CACNA2D3: variants seen among roughly 807,000 people sequenced by gnomAD.
CACNA2D3 encodes calcium voltage-gated channel auxiliary subunit alpha2delta 3, also known as voltage-dependent calcium channel subunit alpha-2/delta-3.
A neutral mutation model predicts 160.6 loss-of-function variants in CACNA2D3; 60 were observed. The observed-to-expected ratio is 0.37, with a 90% CI of 0.30 to 0.46. CACNA2D3 has a LOEUF of 0.46. Among genes scored for constraint, CACNA2D3 ranks in the 20% least tolerant of loss-of-function variants. The pLI, the probability that CACNA2D3 is intolerant of heterozygous loss-of-function variation, is 1.00. For synonymous variants in CACNA2D3, 558 were observed against 492.9 expected (o/e 1.13, Z -1.75); for missense variants, 1,205 against 1,365.0 (o/e 0.88, Z 1.85).
At chr3:54,578,553 C>T (rs1241789033) in intron 8 of CACNA2D3, among the ~76,000 whole-genome samples, 2 of 152,206 alleles carry the variant, frequency 1.3e-5, no homozygotes, top group African/African-American at 2.4e-5. Context: ...AGTACAGCTG[C>T]CTGGTGTGCA....
At chr3:54,368,693 CTTTTTTTTTTT>C (rs33976949) in intron 3 of CACNA2D3, among the ~76,000 whole-genome samples, 82 of 71,538 alleles carry the variant, frequency 1.1e-3, no homozygotes, top group Middle Eastern at 0.02. Context: ...GGGTAGGGTT[CTTTTTTTTTTT>C]TTTTTTTTTT....
At chr3:54,319,083 T>C (rs538702272) in intron 2 of CACNA2D3, among the ~76,000 whole-genome samples, 1 of 151,980 alleles carries the variant, frequency 6.6e-6, no homozygotes, top group East Asian at 1.9e-4. Context: ...TAATCTCATT[T>C]CAGGATACCC....
intron 34 of CACNA2D3, among the ~76,000 whole-genome samples, chr3:55,014,244 G>C (rs751686543): frequency 6.6e-6 from 1 of 152,134 alleles, no homozygotes; most frequent in East Asian, 1.9e-4. Flanking sequence ...TGAAGGTGGT[G>C]GTGGTTTACT....
chr3:54,189,142 A>G (rs1700935578), intron 2 of CACNA2D3, among the ~76,000 whole-genome samples: 1 of 152,368 alleles, frequency 6.6e-6, no homozygotes, highest in South Asian at 2.1e-4. Context: ...CTTCGTGGTT[A>G]TAAATCCCAA....
intron 2 of CACNA2D3, among the ~76,000 whole-genome samples, chr3:54,264,560 T>G (rs1195044733): frequency 6.6e-6 from 1 of 152,218 alleles, no homozygotes; most frequent in Non-Finnish European, 1.5e-5. Flanking sequence ...TTCTTTTTCT[T>G]TAAGTTTTTT....
At chr3:54,982,172 G>A (rs1026464016) in intron 29 of CACNA2D3, among the ~76,000 whole-genome samples, 8 of 152,158 alleles carry the variant, frequency 5.3e-5, no homozygotes, top group African/African-American at 1.9e-4. Context: ...GTGCAAGACA[G>A]ATTAATCCAA....
chr3:54,474,987 AT>A (rs1700803587), intron 4 of CACNA2D3, among the ~76,000 whole-genome samples: 1 of 152,122 alleles, frequency 6.6e-6, no homozygotes, highest in East Asian at 1.9e-4. Flanking sequence ...TTATTTGTAA[AT>A]TTATTCTACA....
chr3:54,646,141 T>TC, intron 11 of CACNA2D3, among the ~76,000 whole-genome samples: 2 of 24,520 alleles, frequency 8.2e-5, no homozygotes, highest in Non-Finnish European at 1.7e-4. Flanking sequence ...CTTCCTTCCT[T>TC]CCTTCCTTCC....
At chr3:54,377,087 A>C (rs746269362) in intron 3 of CACNA2D3, among the ~76,000 whole-genome samples, 13 of 152,234 alleles carry the variant, frequency 8.5e-5, no homozygotes, top group Non-Finnish European at 1.9e-4. Flanking sequence ...CACACTCACC[A>C]TCCTGTCCAG....
intron 29 of CACNA2D3, among the ~76,000 whole-genome samples, chr3:54,976,554 G>A (rs1702396140): frequency 6.6e-6 from 1 of 152,132 alleles, no homozygotes; most frequent in South Asian, 2.1e-4. Flanking sequence ...GCTTGATGCT[G>A]TGAAAAGTGA....
chr3:54,608,410 C>T (rs976314612), intron 9 of CACNA2D3, among the ~76,000 whole-genome samples: 2 of 152,198 alleles, frequency 1.3e-5, no homozygotes, highest in Non-Finnish European at 2.9e-5. Flanking sequence ...GCCCTTTGCT[C>T]ATCTCATTTG....
chr3:54,197,183 A>C (rs1006583839), intron 2 of CACNA2D3, among the ~76,000 whole-genome samples: 1 of 152,144 alleles, frequency 6.6e-6, no homozygotes, highest in Non-Finnish European at 1.5e-5. Flanking sequence ...GAAAGGGCCA[A>C]GTTTTAAAAA....
At chr3:55,020,619 G>A (rs1703426509) in intron 35 of CACNA2D3, among the ~76,000 whole-genome samples, 1 of 151,950 alleles carries the variant, frequency 6.6e-6, no homozygotes, top group Admixed American at 6.6e-5. Context: ...GGAGGCCAAG[G>A]CGGGTGTATC....
chr3:54,357,016 G>T (rs1322026690), intron 3 of CACNA2D3, among the ~76,000 whole-genome samples: 3 of 152,068 alleles, frequency 2.0e-5, no homozygotes, highest in East Asian at 3.9e-4. Flanking sequence ...CCCTCCTTGT[G>T]GGCTGCCATG....
At chr3:54,184,742 T>G (rs1014023082) in intron 2 of CACNA2D3, among the ~76,000 whole-genome samples, 14 of 152,350 alleles carry the variant, frequency 9.2e-5, no homozygotes, top group South Asian at 6.2e-4. Context: ...ATTTCTTTGT[T>G]TTTTCTTTGA....
chr3:54,994,726 T>A lies in CACNA2D3; in HGVS notation c.2690+6973T>A, dbSNP rs1309183262. Among the ~76,000 whole-genome samples, 6 of 152,316 alleles carry A rather than the reference T, an allele frequency of 3.9e-5. No homozygotes were observed. The East Asian group carries it at 1.2e-3, about 29-fold the overall frequency. On this transcript the variant is annotated intron_variant, in intron 31 of 37. Coordinates refer to ENST00000474759, the MANE Select transcript of CACNA2D3 (RefSeq NM_018398.3). ...TCCATGAAGTAACTACTATTATTAT[T>A]TCCATTTGACAAACAAGGGACTAGA... is the stretch of plus-strand genomic sequence containing the variant.
rs563522221 is a variant in CACNA2D3, at chr3:55,034,024, A to T, written c.2987+15707A>T. Among the ~76,000 whole-genome samples, 165 of 150,920 alleles carry T rather than the reference A, an allele frequency of 1.1e-3. 2 individuals carry two copies. Among genetic ancestry groups the T allele is most frequent in the Non-Finnish European group, 2.2e-3 (146 of 67,728 alleles). ...ATTGGCTACTTAACTCAAAGCAGAA[A>T]GGAATATCTTTGTATAAGATGCAAT... is the stretch of plus-strand genomic sequence containing the variant. On this transcript the variant is annotated intron_variant, in intron 35 of 37. Transcript: ENST00000474759.
chr3:54,608,829 G>A (rs1698688553), intron 9 of CACNA2D3, among the ~76,000 whole-genome samples: 1 of 152,236 alleles, frequency 6.6e-6, no homozygotes, highest in East Asian at 1.9e-4. Context: ...TGCCATAGAA[G>A]AGGCTTGCAG....
At chr3:54,175,702 G>A (rs906159764) in intron 2 of CACNA2D3, among the ~76,000 whole-genome samples, 8 of 152,042 alleles carry the variant, frequency 5.3e-5, no homozygotes, top group Non-Finnish European at 8.8e-5. Context: ...AGGCGCCCTC[G>A]GAATGAAGAC....
Sources: allele counts gnomAD v4.1 joint callset (sites outside exome capture counted in the v4.1 genomes callset), GRCh38; gene constraint gnomAD v4.1.1; transcripts MANE v1.5; gene names NCBI Gene and HGNC (gene_info 2026-07-23, HGNC 2026-07-21).